DPP6: variants seen among roughly 807,000 people sequenced by gnomAD.
The protein encoded by DPP6 is dipeptidyl peptidase like 6, also known as A-type potassium channel modulatory protein DPP6.
DPP6 carries 69 observed loss-of-function variants against 122.6 expected under a neutral mutation model. The observed-to-expected ratio is 0.56, with a 90% CI of 0.46 to 0.69. The LOEUF (loss-of-function observed/expected upper bound fraction) is 0.69. Ranked by LOEUF, DPP6 falls within the 30% of genes least tolerant of loss-of-function variation. DPP6 has a pLI of 0.00. For missense variants in DPP6, 928 were observed against 1,116.9 expected (o/e 0.83, Z 2.41); for synonymous variants, 418 against 433.1 (o/e 0.97, Z 0.43).
chr7:154,346,673 AG>A (rs1334940467), intron 1 of DPP6, among the ~76,000 whole-genome samples: 1 of 152,154 alleles, frequency 6.6e-6, no homozygotes, highest in African/African-American at 2.4e-5. Flanking sequence ...ATTACAGTGG[AG>A]TCACTTTGCC....
intron 3 of DPP6, among the ~76,000 whole-genome samples, chr7:154,487,394 A>G (rs912540347): frequency 6.6e-6 from 1 of 152,150 alleles, no homozygotes; most frequent in African/African-American, 2.4e-5. Context: ...AGCAGATGAC[A>G]GGATACGCCG....
intron 3 of DPP6, among the ~76,000 whole-genome samples, chr7:154,536,699 A>G (rs1019688230): frequency 2.0e-5 from 3 of 152,234 alleles, no homozygotes; most frequent in African/African-American, 7.2e-5. Context: ...CTACAAAGGT[A>G]CATAATTTCA....
At chr7:154,667,155 T>C (rs1233657231) in intron 6 of DPP6, among the ~76,000 whole-genome samples, 1 of 152,148 alleles carries the variant, frequency 6.6e-6, no homozygotes, top group East Asian at 1.9e-4. Context: ...TGTTCATGTC[T>C]TTTTCTCATA....
chr7:153,812,387 ACCCAG>A, the DPP6 span, among the ~76,000 whole-genome samples: 2 of 152,002 alleles, frequency 1.3e-5, no homozygotes, highest in Non-Finnish European at 2.9e-5. Context: ...CCAATTCCTC[ACCCAG>A]GCAATTCACT....
chr7:154,181,878 A>T (rs577994140), intron 1 of DPP6, among the ~76,000 whole-genome samples: 2 of 151,428 alleles, frequency 1.3e-5, no homozygotes, highest in Non-Finnish European at 2.9e-5. Context: ...CCTCATGAGT[A>T]GCTGGGATTA....
At chr7:154,626,025 C>T (rs990545763) in intron 5 of DPP6, among the ~76,000 whole-genome samples, 16 of 151,978 alleles carry the variant, frequency 1.1e-4, no homozygotes, top group African/African-American at 2.7e-4. Flanking sequence ...GTGTGAAGCT[C>T]GGATACCTGT....
intron 7 of DPP6, among the ~76,000 whole-genome samples, chr7:154,678,079 A>G (rs753121105): frequency 2.0e-4 from 31 of 152,168 alleles, no homozygotes; most frequent in Non-Finnish European, 4.1e-4. Flanking sequence ...GCACTCTGTA[A>G]ATACGCACCA....
chr7:154,445,535 C>T (rs756929508), intron 1 of DPP6, among the ~76,000 whole-genome samples: 1 of 152,110 alleles, frequency 6.6e-6, no homozygotes. Flanking sequence ...CCTCTCTCAC[C>T]TGCCACTCTT....
chr7:153,777,618 C>T, the DPP6 span, among the ~76,000 whole-genome samples: 5 of 106,830 alleles, frequency 4.7e-5, no homozygotes, highest in African/African-American at 1.4e-4. Context: ...CATTTTGCTA[C>T]GTCAAAGAAG....
chr7:154,849,989 T>C (rs1365307717), intron 16 of DPP6, among the ~76,000 whole-genome samples: 6 of 152,244 alleles, frequency 3.9e-5, no homozygotes, highest in Admixed American at 2.0e-4. Context: ...GAACCATCCT[T>C]GCATCCCACA....
the DPP6 span, among the ~76,000 whole-genome samples, chr7:153,782,729 T>C: frequency 1.3e-5 from 2 of 152,326 alleles, no homozygotes; most frequent in African/African-American, 4.8e-5. Context: ...GAGCTGTTTA[T>C]GTGTACCATT....
chr7:154,648,797 T>C (rs1023667307), intron 6 of DPP6, among the ~76,000 whole-genome samples: 1 of 151,854 alleles, frequency 6.6e-6, no homozygotes, highest in Non-Finnish European at 1.5e-5. Context: ...GGTGCACCTA[T>C]AGTCCCGGCC....
At chr7:154,572,582 TCTCGA>T (rs918599107) in intron 5 of DPP6, among the ~76,000 whole-genome samples, 7 of 143,292 alleles carry the variant, frequency 4.9e-5, no homozygotes, top group Non-Finnish European at 9.0e-5. Context: ...AGTGGCGTGA[TCTCGA>T]CTCACTGCAA....
chr7:154,062,753 C>T (rs1374989028), intron 1 of DPP6, among the ~76,000 whole-genome samples: 1 of 71,732 alleles, frequency 1.4e-5, no homozygotes, highest in Admixed American at 1.4e-4. Flanking sequence ...CTCCGCGAGG[C>T]AGGGACTGAG....
At chr7:153,867,130 C>T in the DPP6 span, among the ~76,000 whole-genome samples, 20 of 152,214 alleles carry the variant, frequency 1.3e-4, no homozygotes, top group South Asian at 4.2e-4. Context: ...CTTGGCAATG[C>T]GGGCTCTTTT....
chr7:154,598,817 T>C (rs1235193876), intron 5 of DPP6, among the ~76,000 whole-genome samples: 1 of 152,204 alleles, frequency 6.6e-6, no homozygotes, highest in Admixed American at 6.5e-5. Context: ...TTTTGTTTTG[T>C]TTTTCATGGT....
chr7:153,923,715 C>T lies in DPP6; in HGVS notation c.51+35981C>T, dbSNP rs537642346. ...GGCACAGCTTGCAGTGAGCTGAGAT[C>T]GTGCCACTGCACTCCAGCCTGGGCA... On this transcript the variant is annotated intron_variant, in intron 1 of 25. Coordinates refer to the DPP6 transcript ENST00000404039. Among the ~76,000 whole-genome samples, 78 of 139,372 alleles carry T rather than the reference C, an allele frequency of 5.6e-4. 1 individual carries two copies. In the East Asian group the frequency reaches 0.012, roughly 22 times the overall value. 91.4% of individuals were successfully genotyped at this position (139,372 alleles called of 152,430 possible).
At chr7:153,871,544 G>A in the DPP6 span, among the ~76,000 whole-genome samples, 767 of 152,252 alleles carry the variant, frequency 5.0e-3, 8 homozygotes, top group African/African-American at 0.017. Context: ...TCCAGGTGCC[G>A]TCTGTCACCC....
At chr7:154,421,689 G>T (rs1817486926) in intron 1 of DPP6, among the ~76,000 whole-genome samples, 2 of 152,026 alleles carry the variant, frequency 1.3e-5, no homozygotes, top group African/African-American at 4.8e-5. Flanking sequence ...TGGGGAGGGT[G>T]GTCTAAGACT....
Sources: gnomAD v4.1 joint callset for allele counts (sites outside exome capture counted in the v4.1 genomes callset) on GRCh38, gnomAD v4.1.1 for gene constraint, MANE v1.5 for transcripts, NCBI Gene and HGNC (gene_info 2026-07-23, HGNC 2026-07-21) for gene names.